Variants in CYB5RL observed in about 807,000 individuals in gnomAD.
The protein encoded by CYB5RL is NADH-cytochrome b5 reductase-like.
CYB5RL carries 38 observed loss-of-function variants against 37.5 expected under a neutral mutation model. The observed-to-expected ratio is 1.01, with a 90% CI of 0.78 to 1.33. The LOEUF (loss-of-function observed/expected upper bound fraction) is 1.33, where lower values mean the gene tolerates loss of function less well. CYB5RL is among the 40% of genes most tolerant of loss of function. CYB5RL has a pLI of 0.00. For synonymous variants in CYB5RL, 141 were observed against 151.9 expected (o/e 0.93, Z 0.53); for missense variants, 388 against 394.4 (o/e 0.98, Z 0.14).
chr1:54,185,550 C>T (rs960260284), intron 5 of CYB5RL: 1 of 152,182 alleles, frequency 6.6e-6, no homozygotes, highest in Admixed American at 6.5e-5. Flanking sequence ...TTTTTAAGCA[C>T]CCATGGCCAT....
rs563314772 is a variant in CYB5RL, at chr1:54,192,715, G to A, written c.199-1819C>T. ...CATCATACAATTAACTGGCAGAACC[G>A]GGCCTCAGTTCCTTAGTGAGTCTTT... On this transcript the variant is annotated intron_variant, in intron 3 of 7. Transcript: ENST00000534324. 7.7e-4 allele frequency among the ~76,000 whole-genome samples: 117 copies of A among 151,834 alleles called. 1 individual carries two copies. Among genetic ancestry groups the A allele is most frequent in the Non-Finnish European group, 1.3e-3 (90 of 67,964 alleles).
At chr1:54,198,345 T>C (rs555751482) in intron 1 of CYB5RL, among the ~76,000 whole-genome samples, 9 of 151,742 alleles carry the variant, frequency 5.9e-5, no homozygotes, top group African/African-American at 1.9e-4. Flanking sequence ...CTTTTTTTTT[T>C]TTTTGAGACA....
At chr1:54,188,140 G>T (rs972338344) in intron 4 of CYB5RL, among the ~76,000 whole-genome samples, 5 of 152,142 alleles carry the variant, frequency 3.3e-5, no homozygotes, top group Admixed American at 1.3e-4. Context: ...GAAAATAAAG[G>T]TCCTCACTGA....
chr1:54,197,265 C>A (rs1029782144), intron 1 of CYB5RL, among the ~76,000 whole-genome samples: 1 of 151,984 alleles, frequency 6.6e-6, no homozygotes, highest in Non-Finnish European at 1.5e-5. Context: ...GCACTTGGTC[C>A]ATCCCTGCTC....
At chr1:54,182,638 C>CTTCTG (rs1312614569) in intron 6 of CYB5RL, among the ~76,000 whole-genome samples, 4 of 152,278 alleles carry the variant, frequency 2.6e-5, no homozygotes, top group Admixed American at 2.6e-4. Context: ...CAACCTCTGC[C>CTTCTG]TTCTGGGTTC....
intron 1 of CYB5RL, among the ~76,000 whole-genome samples, chr1:54,197,317 C>CTTTTTTTTT (rs766084507): frequency 1.6e-5 from 2 of 124,082 alleles, no homozygotes; most frequent in Non-Finnish European, 1.6e-5. Context: ...CTTTTCTTTT[C>CTTTTTTTTT]TTTTTTTTTT....
In CYB5RL at chr1:54,184,261, T is replaced by G. The variant is rs772348254; in HGVS notation, c.440A>C (p.Tyr147Ser). ...EGYFEVLIKC[Y>S]QMGLMSRYVE... ...ATACCGGGACATCAGCCCCATCTGG[T>G]AGCACTGGAAGCAAACACAGGGAGA... Residue 147 changes from tyrosine (Y) to serine (S), a missense_variant, in exon 6 of 8, where the codon TAC (tyrosine) becomes TCC (serine). By Grantham distance (144) the Tyr-to-Ser change is moderately radical. Coordinates refer to ENST00000534324, the MANE Select transcript of CYB5RL (RefSeq NM_001031672.4). 1.2e-6 allele frequency: 2 copies of G among 1,613,224 alleles called. No individual in the cohort carries two copies. Among genetic ancestry groups the G allele is most frequent in the South Asian group, 2.2e-5 (2 of 90,770 alleles).
chr1:54,187,530 A>G (rs1168301409), intron 5 of CYB5RL, 122 bp downstream of exon 5: 7 of 884,560 alleles, frequency 7.9e-6, no homozygotes, highest in South Asian at 6.7e-5. Context: ...TACTTCCCCA[A>G]TTGCCTTTGT....
Position 54,170,806 on chromosome 1 carries a change from C to T in CYB5RL, c.*3813G>A. On this transcript the variant is annotated 3_prime_UTR_variant, in exon 8 of 8. Coordinates refer to ENST00000534324, the MANE Select transcript of CYB5RL (RefSeq NM_001031672.4). The stretch of plus-strand genomic sequence containing the variant: ...CTGGAACTTGTGTATCCCTACATGA[C>T]CTTGGAAAATCGCTTGAAGTCTCAG... The T allele has an allele frequency of 6.4e-6, 2 of 311,324 alleles. No homozygotes were observed. Among genetic ancestry groups the T allele is most frequent in the Non-Finnish European group, 1.3e-5 (2 of 156,848 alleles). 19.3% of individuals were successfully genotyped at this position (311,324 alleles called of 1,614,324 possible). A position where few individuals can be genotyped will look rare whatever the true frequency, so the allele number is the denominator to read the frequency against.
At chr1:54,184,853 G>A (rs1470489795) in intron 5 of CYB5RL, 1 of 152,306 alleles carries the variant, frequency 6.6e-6, no homozygotes, top group Admixed American at 6.5e-5. Context: ...ATACATCTAT[G>A]GGCTAGATTC....
chr1:54,183,295 A>C (rs1215957131), intron 6 of CYB5RL, among the ~76,000 whole-genome samples: 1 of 152,224 alleles, frequency 6.6e-6, no homozygotes, highest in Non-Finnish European at 1.5e-5. Flanking sequence ...AGATGCAATG[A>C]ACATACGCAG....
In CYB5RL at chr1:54,170,043, T is replaced by C. The variant is rs1659855115; in HGVS notation, c.*4576A>G. 1 of 152,258 alleles carries C rather than the reference T, an allele frequency of 6.6e-6. No homozygotes were observed. Among genetic ancestry groups the C allele is most frequent in the Admixed American group, 6.5e-5 (1 of 15,276 alleles). 9.4% of individuals were successfully genotyped at this position (152,258 alleles called of 1,614,324 possible). On this transcript the variant is annotated 3_prime_UTR_variant, in exon 8 of 8. Coordinates refer to ENST00000534324, the MANE Select transcript of CYB5RL (RefSeq NM_001031672.4). ...ATTGGTACATGCGGATGGAGTTCAC[T>C]TTAATTGCTGTATCTACAGGCAGTT...
intron 4 of CYB5RL, among the ~76,000 whole-genome samples, chr1:54,189,476 G>C (rs1643931075): frequency 6.6e-6 from 1 of 152,188 alleles, no homozygotes; most frequent in African/African-American, 2.4e-5. Flanking sequence ...TTGGCAAAGG[G>C]AGAAGAACAT....
intron 1 of CYB5RL, among the ~76,000 whole-genome samples, chr1:54,198,065 T>C (rs1173432553): frequency 1.4e-5 from 2 of 140,574 alleles, no homozygotes; most frequent in South Asian, 2.3e-4. Context: ...AAGGGTGGTA[T>C]CTTATTCTTT....
At chr1:54,184,384 T>C in intron 5 of CYB5RL, 119 bp from the exon 6 acceptor site, 1 of 801,642 alleles carries the variant, frequency 1.2e-6, no homozygotes, top group East Asian at 2.8e-5. Context: ...GTTATCTCAT[T>C]TAATCGTCCT....
At chr1:54,183,826 T>C (rs1197983671) in intron 6 of CYB5RL, among the ~76,000 whole-genome samples, 1 of 151,894 alleles carries the variant, frequency 6.6e-6, no homozygotes, top group Non-Finnish European at 1.5e-5. Flanking sequence ...AAATACAAAA[T>C]TAGCCGGGTG....
In CYB5RL at chr1:54,170,925, A is replaced by G; in HGVS notation, c.*3694T>C. 1 of 342,182 alleles carries G rather than the reference A, an allele frequency of 2.9e-6. No individual in the cohort carries two copies. Among genetic ancestry groups the G allele is most frequent in the Non-Finnish European group, 5.8e-6 (1 of 171,828 alleles). 21.2% of individuals were successfully genotyped at this position (342,182 alleles called of 1,614,324 possible). A position where few individuals can be genotyped will look rare whatever the true frequency, so the allele number is the denominator to read the frequency against. On this transcript the variant is annotated 3_prime_UTR_variant, in exon 8 of 8. Transcript: ENST00000534324. ...CAAAGTAGAGGAAACACCTTTTGCC[A>G]CCTGGAAAGCACTTCCTGAACATTA...
At chr1:54,187,488 C>T (rs1380642253) in intron 5 of CYB5RL, among the ~76,000 whole-genome samples, 164 bp downstream of exon 5, 1 of 152,198 alleles carries the variant, frequency 6.6e-6, no homozygotes, top group African/African-American at 2.4e-5. Flanking sequence ...GCTCCCTTGG[C>T]ACTCCTTCCT....
intron 1 of CYB5RL, among the ~76,000 whole-genome samples, chr1:54,198,756 T>G (rs1169125516): frequency 6.6e-6 from 1 of 150,626 alleles, no homozygotes; most frequent in Non-Finnish European, 1.5e-5. Flanking sequence ...CTCAGCCTCC[T>G]GAGTACCTAG....
Sources: gnomAD v4.1 joint callset for allele counts (sites outside exome capture counted in the v4.1 genomes callset) on GRCh38, gnomAD v4.1.1 for gene constraint, MANE v1.5 for transcripts, NCBI Gene and HGNC (gene_info 2026-07-23, HGNC 2026-07-21) for gene names.